The following BTRC variants were observed in gnomAD, a reference collection of about 807,000 sequenced individuals.
BTRC encodes the protein F-box/WD repeat-containing protein 1A.
BTRC carries 42 observed loss-of-function variants against 85.5 expected under a neutral mutation model. That is an observed-to-expected ratio of 0.49 (90% confidence interval 0.38 to 0.64). The LOEUF (loss-of-function observed/expected upper bound fraction) is 0.64. Ranked by LOEUF, BTRC falls within the 30% of genes least tolerant of loss-of-function variation. BTRC has a pLI of 0.00. For synonymous variants in BTRC, 255 were observed against 263.3 expected (o/e 0.97, Z 0.30); for missense variants, 594 against 743.5 (o/e 0.80, Z 2.34).
At chr10:101,364,390 G>A (rs1228230405) in intron 1 of BTRC, among the ~76,000 whole-genome samples, 1 of 152,192 alleles carries the variant, frequency 6.6e-6, no homozygotes, top group Non-Finnish European at 1.5e-5. Context: ...CTTTGGGACT[G>A]ATAAGCTTGA....
At chr10:101,517,696 T>C (rs2062041336) in intron 4 of BTRC, among the ~76,000 whole-genome samples, 1 of 152,230 alleles carries the variant, frequency 6.6e-6, no homozygotes, top group Non-Finnish European at 1.5e-5. Flanking sequence ...AAAGTTTCTA[T>C]TGATTTCTGA....
chr10:101,457,696 T>TAA (rs1945116731), intron 2 of BTRC, among the ~76,000 whole-genome samples: 1 of 152,202 alleles, frequency 6.6e-6, no homozygotes. Context: ...CAAGTTTGCT[T>TAA]AGGGTTGGTT....
intron 12 of BTRC, among the ~76,000 whole-genome samples, chr10:101,538,014 G>A (rs2062412378): frequency 6.6e-6 from 1 of 152,214 alleles, no homozygotes; most frequent in South Asian, 2.1e-4. Context: ...GAAGTGCCCA[G>A]GAAGAGGATG....
At chr10:101,428,509 A>G (rs776150394) in intron 1 of BTRC, among the ~76,000 whole-genome samples, 2 of 152,186 alleles carry the variant, frequency 1.3e-5, no homozygotes, top group Non-Finnish European at 2.9e-5. Flanking sequence ...TTTGCTTGGT[A>G]TGTTATCTGG....
intron 7 of BTRC, 47 bp downstream of exon 7, chr10:101,531,380 T>C: frequency 7.4e-7 from 1 of 1,349,622 alleles, no homozygotes; most frequent in Non-Finnish European, 1.1e-6. Flanking sequence ...CACAGAATTA[T>C]CAGCATTCTT....
At chr10:101,450,468 C>T (rs542593543) in intron 2 of BTRC, among the ~76,000 whole-genome samples, 1 of 152,276 alleles carries the variant, frequency 6.6e-6, no homozygotes, top group South Asian at 2.1e-4. Context: ...TTCTATCCTT[C>T]TTATCAGAGT....
At chr10:101,459,695 A>G (rs1489161431) in intron 2 of BTRC, among the ~76,000 whole-genome samples, 3 of 152,180 alleles carry the variant, frequency 2.0e-5, no homozygotes, top group Admixed American at 2.0e-4. Flanking sequence ...TCTGTGTTCT[A>G]TGTTAGGTTA....
At chr10:101,394,636 A>G (rs973675771) in intron 1 of BTRC, among the ~76,000 whole-genome samples, 1 of 152,232 alleles carries the variant, frequency 6.6e-6, no homozygotes, top group Non-Finnish European at 1.5e-5. Flanking sequence ...CAGAGAAGAA[A>G]TAAAGAAGTC....
chr10:101,393,345 A>G (rs1457430876), intron 1 of BTRC, among the ~76,000 whole-genome samples: 2 of 152,172 alleles, frequency 1.3e-5, no homozygotes, highest in East Asian at 1.9e-4. Flanking sequence ...AATTGAACCC[A>G]CAGAGGGGAT....
At chr10:101,396,105 C>T (rs955649256) in intron 1 of BTRC, among the ~76,000 whole-genome samples, 4 of 151,734 alleles carry the variant, frequency 2.6e-5, no homozygotes, top group African/African-American at 9.7e-5. Flanking sequence ...CCTTTGCATA[C>T]ACAAAGTTCT....
chr10:101,495,073 A>G (rs1220541851), intron 4 of BTRC, among the ~76,000 whole-genome samples: 1 of 152,212 alleles, frequency 6.6e-6, no homozygotes, highest in East Asian at 1.9e-4. Flanking sequence ...GTTTACAGCC[A>G]AAACTTTCTA....
At chr10:101,355,727 A>G (rs1010672345) in intron 1 of BTRC, among the ~76,000 whole-genome samples, 5 of 152,264 alleles carry the variant, frequency 3.3e-5, no homozygotes, top group African/African-American at 1.2e-4. Context: ...ATTGAATTTT[A>G]GACTTTAAAC....
At chr10:101,527,257 T>A (rs1290643913) in intron 6 of BTRC, among the ~76,000 whole-genome samples, 2 of 152,204 alleles carry the variant, frequency 1.3e-5, no homozygotes, top group Non-Finnish European at 2.9e-5. Flanking sequence ...TTCCTTTGAA[T>A]TTTCATGAAA....
rs1240980893 is a variant in BTRC, at chr10:101,522,370, A to G, written c.556+500A>G. 6.3e-4 allele frequency among the ~76,000 whole-genome samples: 47 copies of G among 74,134 alleles called. 1 individual carries two copies. The highest frequency in any genetic ancestry group is 7.4e-3 in the Middle Eastern group (1 of 136). 48.6% of individuals were successfully genotyped at this position (74,134 alleles called of 152,430 possible). Reference sequence around the variant, plus strand: ...AAAGCTTTAAAAAAAAAAAAAACAAAAAAAAACAAAAAAAAAAAAACTCTA... The same window carrying G: ...AAAGCTTTAAAAAAAAAAAAAACAAGAAAAAACAAAAAAAAAAAAACTCTA... On this transcript the variant is annotated intron_variant, in intron 5 of 14. Transcript: ENST00000370187.
At chr10:101,502,428 A>G (rs1946420021) in intron 4 of BTRC, among the ~76,000 whole-genome samples, 1 of 151,922 alleles carries the variant, frequency 6.6e-6, no homozygotes, top group Admixed American at 6.6e-5. Context: ...CTTTTATTCC[A>G]TATTGTAGAA....
chr10:101,534,563 C>T (rs1272350368), intron 9 of BTRC, 98 bp from the exon 10 acceptor site: 8 of 1,483,516 alleles, frequency 5.4e-6, no homozygotes, highest in African/African-American at 2.8e-5. Context: ...CAGTCTGGCC[C>T]TCTCTCTAAA....
chr10:101,382,820 GGTGA>G (rs764072289), intron 1 of BTRC, among the ~76,000 whole-genome samples: 15 of 151,992 alleles, frequency 9.9e-5, no homozygotes, highest in Admixed American at 1.3e-4. Context: ...ATTTTGAAAT[GGTGA>G]GTGTTTCCTA....
intron 3 of BTRC, among the ~76,000 whole-genome samples, chr10:101,466,658 A>G (rs1945380935): frequency 6.6e-6 from 1 of 152,190 alleles, no homozygotes; most frequent in African/African-American, 2.4e-5. Context: ...ATAAAAAAGT[A>G]TCTTCATCCC....
chr10:101,447,348 A>T (rs926473364), intron 2 of BTRC, among the ~76,000 whole-genome samples: 1 of 152,162 alleles, frequency 6.6e-6, no homozygotes, highest in African/African-American at 2.4e-5. Flanking sequence ...TGTTTTCTTT[A>T]CTGACCACTA....
Sources: gnomAD v4.1 joint callset for allele counts (sites outside exome capture counted in the v4.1 genomes callset) on GRCh38, gnomAD v4.1.1 for gene constraint, MANE v1.5 for transcripts, NCBI Gene and HGNC (gene_info 2026-07-23, HGNC 2026-07-21) for gene names.